Variants in RP1 observed in about 807,000 individuals in gnomAD.
The protein encoded by RP1 is RP1 axonemal microtubule associated.
Under a neutral mutation model 14.8 loss-of-function variants are expected in RP1, and 16 were observed. That is an observed-to-expected ratio of 1.08 (90% CI 0.73 to 1.65). RP1 has a LOEUF of 1.65. Among genes scored for constraint, RP1 ranks in the 40% most tolerant of loss-of-function variants. The probability of loss-of-function intolerance (pLI) is 0.00; values close to 1 mark genes in which losing one functional copy is unlikely to be tolerated. For synonymous variants in RP1, 876 were observed against 883.6 expected (o/e 0.99, Z 0.15); for missense variants, 2,631 against 2,535.0 (o/e 1.04, Z -0.81).
At chr8:54,746,554 C>CAGTT (rs1809229167) in intron 19 of RP1, among the ~76,000 whole-genome samples, 1 of 152,020 alleles carries the variant, frequency 6.6e-6, no homozygotes, top group African/African-American at 2.4e-5. Flanking sequence ...TATAACTGAA[C>CAGTT]ATAGACAGAT....
At chr8:54,574,289 T>C (rs986176156) in intron 1 of RP1, among the ~76,000 whole-genome samples, 5 of 152,184 alleles carry the variant, frequency 3.3e-5, no homozygotes, top group Non-Finnish European at 5.9e-5. Context: ...AAGAATGCTA[T>C]TGGGAGCCGA....
exon 27 of RP1, chr8:54,857,088 C>A: frequency 8.2e-7 from 1 of 1,219,942 alleles, no homozygotes; most frequent in South Asian, 4.2e-5. Context: ...TCTGATTAGT[C>A]ATGATGGAAC....
intron 24 of RP1, among the ~76,000 whole-genome samples, chr8:54,832,493 G>A (rs1399459209): frequency 1.3e-5 from 2 of 151,438 alleles, no homozygotes; most frequent in Non-Finnish European, 3.0e-5. Context: ...GATAGCACTT[G>A]ACAATGCTTA....
chr8:54,679,230 T>G (rs575169872), intron 9 of RP1, among the ~76,000 whole-genome samples: 1 of 152,338 alleles, frequency 6.6e-6, no homozygotes, highest in Admixed American at 6.5e-5. Context: ...CTGCTGCTTC[T>G]ACCTCCCTTG....
chr8:54,837,530 G>C (rs890357279), exon 25 of RP1: 1 of 1,231,734 alleles, frequency 8.1e-7, no homozygotes, highest in Non-Finnish European at 1.0e-6. Flanking sequence ...GGTGGTATCT[G>C]GAAGAAGTTA....
At chr8:54,715,217 G>T (rs1321127016) in intron 15 of RP1, among the ~76,000 whole-genome samples, 1 of 152,230 alleles carries the variant, frequency 6.6e-6, no homozygotes, top group Non-Finnish European at 1.5e-5. Flanking sequence ...GTAGCTTGCA[G>T]TGGTGTGAGC....
At chr8:54,852,526 GAGAT>G in intron 25 of RP1, 1 of 1,169,230 alleles carries the variant, frequency 8.6e-7, no homozygotes, top group Non-Finnish European at 1.1e-6. Context: ...TACATTCAAA[GAGAT>G]AAATAAAAAT....
At chr8:54,588,845 AT>A (rs1804987361) in intron 1 of RP1, among the ~76,000 whole-genome samples, 1 of 152,360 alleles carries the variant, frequency 6.6e-6, no homozygotes, top group East Asian at 1.9e-4. Flanking sequence ...TTTCTAGAAT[AT>A]CTACCATTTA....
intron 24 of RP1, among the ~76,000 whole-genome samples, chr8:54,837,197 G>C (rs1811678564): frequency 6.6e-6 from 1 of 152,200 alleles, no homozygotes; most frequent in Non-Finnish European, 1.5e-5. Context: ...TTGCAAGATA[G>C]TAATGGTGAG....
chr8:54,749,038 A>T (rs1001093370), intron 19 of RP1, among the ~76,000 whole-genome samples: 1 of 152,244 alleles, frequency 6.6e-6, no homozygotes, highest in South Asian at 2.1e-4. Context: ...GTTCTATATC[A>T]TTTCTCCTCC....
At chr8:54,600,783 T>C (rs979055110) in intron 1 of RP1, among the ~76,000 whole-genome samples, 1 of 152,208 alleles carries the variant, frequency 6.6e-6, no homozygotes, top group Non-Finnish European at 1.5e-5. Context: ...CCTGGACCCT[T>C]GGCCAGAGAG....
At chr8:54,831,402 T>A (rs2129401183) in intron 24 of RP1, among the ~76,000 whole-genome samples, 1 of 10,540 alleles carries the variant, frequency 9.5e-5, no homozygotes. Flanking sequence ...CTATTGTTTC[T>A]TTTTTTTTTT....
At chr8:54,652,747 T>TA (rs1469544156) in intron 4 of RP1, 2 of 1,458,976 alleles carry the variant, frequency 1.4e-6, no homozygotes, top group Non-Finnish European at 1.9e-6. Flanking sequence ...TTTGTGAAAT[T>TA]ACATTGAAAG....
rs138658218 is a variant in RP1 at position 54,798,071 on chromosome 8, T to C, written c.3615+14361T>C. ...CTCTGTAGCTCAAGCTGGAGTGCAG[T>C]GGTGGGATCTTGGCTCACTGCAACC... On this transcript the variant is annotated intron_variant, in intron 24 of 28. Coordinates refer to the RP1 transcript ENST00000637698. 5.3e-3 allele frequency among the ~76,000 whole-genome samples: 800 copies of C among 152,188 alleles called. 7 individuals are homozygous for C. Among genetic ancestry groups the C allele is most frequent in the African/African-American group, 0.018 (759 of 41,526 alleles).
Position 54,734,650 on chromosome 8 carries a change from G to A in RP1, c.2627G>A (p.Trp876Ter). 1 of 1,535,800 alleles carries A rather than the reference G, an allele frequency of 6.5e-7. No individual in the cohort carries two copies. The highest frequency in any genetic ancestry group is 1.2e-5 in the South Asian group (1 of 84,046). The change falls in exon 18 of 23, where the codon TGG (tryptophan) becomes TAG (stop). Residue 876 changes from tryptophan (W) to a stop codon, truncating the protein, a stop_gained. Transcript: ENST00000636932. LOFTEE classifies it high-confidence loss of function. The stretch of plus-strand genomic sequence containing the variant: ...GGAACTCAAGCCAATGTCACTCTCT[G>A]GGTGTATGGAGATAAAGGAGTCACT...
At chr8:54,855,659 A>C (rs1379742997) in intron 26 of RP1, among the ~76,000 whole-genome samples, 2 of 152,156 alleles carry the variant, frequency 1.3e-5, no homozygotes, top group Non-Finnish European at 1.5e-5. Context: ...AAGACAGAAA[A>C]CCCTATTTAA....
intron 1 of RP1, among the ~76,000 whole-genome samples, chr8:54,577,380 A>G (rs2129295192): frequency 6.6e-6 from 1 of 152,344 alleles, no homozygotes; most frequent in East Asian, 1.9e-4. Context: ...TTTGGTGTAA[A>G]AAGTGTCAAT....
intron 1 of RP1, among the ~76,000 whole-genome samples, chr8:54,573,881 T>G (rs952528190): frequency 5.9e-5 from 9 of 152,174 alleles, no homozygotes; most frequent in Non-Finnish European, 1.3e-4. Flanking sequence ...CTCATCCAGT[T>G]AGGAAACATT....
intron 12 of RP1, chr8:54,696,521 A>C (rs1438854362): frequency 1.2e-6 from 1 of 815,938 alleles, no homozygotes; most frequent in East Asian, 2.5e-5. Context: ...GAAGGAGCAG[A>C]GGAAAGGAAA....
Sources: gnomAD v4.1 joint callset for allele counts (sites outside exome capture counted in the v4.1 genomes callset) on GRCh38, gnomAD v4.1.1 for gene constraint, MANE v1.5 for transcripts, NCBI Gene and HGNC (gene_info 2026-07-23, HGNC 2026-07-21) for gene names.